The following SAG variants were observed in gnomAD, a reference collection of about 807,000 sequenced individuals.
The protein encoded by SAG is S-antigen visual arrestin.
In SAG, 45 loss-of-function variants were observed where a neutral mutation model predicts 55.0. That is an observed-to-expected ratio of 0.82 (90% CI 0.64 to 1.05). The LOEUF is 1.05. Ranked by LOEUF, SAG falls within the 50% of genes least tolerant of loss-of-function variation. SAG has a pLI of 0.00. For synonymous variants in SAG, 189 were observed against 197.4 expected (o/e 0.96, Z 0.36); for missense variants, 455 against 512.1 (o/e 0.89, Z 1.08).
chr2:233,325,560 G>A (rs1700525997), intron 6 of SAG, among the ~76,000 whole-genome samples: 1 of 152,108 alleles, frequency 6.6e-6, no homozygotes, highest in South Asian at 2.1e-4. Context: ...GCCAAGATGG[G>A]GGAAGATGAG....
chr2:233,327,070 C>T, intron 6 of SAG, 51 bp from the exon 7 acceptor site: 1 of 1,466,268 alleles, frequency 6.8e-7, no homozygotes, highest in Non-Finnish European at 9.6e-7. Flanking sequence ...TGGCCCGGCA[C>T]CCAGGGAGGG....
chr2:233,325,951 G>C (rs1405495274), intron 6 of SAG, among the ~76,000 whole-genome samples: 1 of 152,196 alleles, frequency 6.6e-6, no homozygotes, highest in Non-Finnish European at 1.5e-5. Context: ...TAGAGTTTAG[G>C]ACTGCTATGA....
chr2:233,342,511 C>G, intron 14 of SAG, 185 bp downstream of exon 14: 2 of 607,516 alleles, frequency 3.3e-6, no homozygotes, highest in East Asian at 5.6e-5. Flanking sequence ...AGCGCTGAGC[C>G]GGGTAGATTA....
Position 233,318,742 on chromosome 2 carries a change from T to C in SAG, c.137-9T>C. 1 of 1,613,390 alleles carries C rather than the reference T, an allele frequency of 6.2e-7. No homozygotes were observed. The highest frequency in any genetic ancestry group is 2.2e-5 in the East Asian group (1 of 44,884). On this transcript the variant is annotated splice_polypyrimidine_tract_variant and intron_variant, in intron 3 of 15. Coordinates refer to ENST00000409110, the MANE Select transcript of SAG (RefSeq NM_000541.5). Reference sequence around the variant, plus strand: ...CCACCCTCACTGCTCTCTCCCTCTTTTGCCTTAGATGGTGTCGTGTTGGTT... The same window carrying C: ...CCACCCTCACTGCTCTCTCCCTCTTCTGCCTTAGATGGTGTCGTGTTGGTT...
At chr2:233,312,083 G>A (rs577133631) in intron 2 of SAG, among the ~76,000 whole-genome samples, 21 of 152,232 alleles carry the variant, frequency 1.4e-4, no homozygotes, top group African/African-American at 5.1e-4. Context: ...CCGAGATCGC[G>A]CCATTGCACT....
chr2:233,334,697 C>A, intron 10 of SAG: 1 of 390,896 alleles, frequency 2.6e-6, no homozygotes, highest in Non-Finnish European at 4.7e-6. Flanking sequence ...GTCTCATTAA[C>A]TCCATAGAAC....
intron 1 of SAG, among the ~76,000 whole-genome samples, chr2:233,308,627 A>G (rs1700001099): frequency 2.0e-5 from 3 of 152,092 alleles, no homozygotes; most frequent in East Asian, 1.9e-4. Flanking sequence ...GGATCTTGCT[A>G]TGTTGCCCAG....
chr2:233,315,130 A>G (rs1419708012), intron 2 of SAG, among the ~76,000 whole-genome samples: 1 of 152,162 alleles, frequency 6.6e-6, no homozygotes, highest in Non-Finnish European at 1.5e-5. Context: ...GGGGCAGGAC[A>G]GGGCCAGGGC....
intron 13 of SAG, among the ~76,000 whole-genome samples, 161 bp from the exon 14 acceptor site, chr2:233,342,110 C>G (rs890139958): frequency 7.1e-6 from 1 of 141,058 alleles, no homozygotes; most frequent in Non-Finnish European, 1.5e-5. Context: ...GGCGACAGAG[C>G]GAGACTCCAT....
At chr2:233,314,522 G>C (rs1196829862) in intron 2 of SAG, among the ~76,000 whole-genome samples, 7 of 152,180 alleles carry the variant, frequency 4.6e-5, no homozygotes, top group Non-Finnish European at 8.8e-5. Flanking sequence ...TGGATCTTGA[G>C]GGCAAGGCCA....
At chr2:233,338,652 T>G in intron 11 of SAG, 24 bp from the exon 12 acceptor site, 2 of 1,606,818 alleles carry the variant, frequency 1.2e-6, no homozygotes, top group Non-Finnish European at 1.7e-6. Flanking sequence ...TCCATCATTC[T>G]CCTTTTCCCT....
chr2:233,324,503 T>A (rs1329939991), intron 6 of SAG, among the ~76,000 whole-genome samples: 1 of 152,220 alleles, frequency 6.6e-6, no homozygotes. Context: ...CTTGAGTTTT[T>A]GCCTGAATGA....
rs908536341 is a variant in SAG, at chr2:233,327,169, G to A, written c.484G>A (p.Asp162Asn). The change falls in exon 7 of 16, where the codon GAT (aspartate) becomes AAT (asparagine). Residue 162 changes from aspartate (D) to asparagine (N), a missense_variant. Physicochemically the swap from Asp to Asn is conservative, Grantham distance 23. Transcript: ENST00000409110. ...EVKAFATDST[D>N]AEEDKIPKKS... ...CAAAGCATTCGCCACAGACAGCACC[G>A]ATGCCGAAGAGGACAAAATCCCCAA... 4.3e-6 allele frequency: 7 copies of A among 1,613,788 alleles called. No homozygotes were observed. Among genetic ancestry groups the A allele is most frequent in the African/African-American group, 1.3e-5 (1 of 75,016 alleles).
In SAG at chr2:233,327,210, T is replaced by C; in HGVS notation, c.512+13T>C. On this transcript the variant is annotated intron_variant, in intron 7 of 15. Coordinates refer to ENST00000409110, the MANE Select transcript of SAG (RefSeq NM_000541.5). ...AAATCCCCAAGAAGTAAGAGTATGGTTGCGGAATAGGTGAGGGGTCTGCGG... is the reference window on the plus strand; with the variant it reads ...AAATCCCCAAGAAGTAAGAGTATGGCTGCGGAATAGGTGAGGGGTCTGCGG... 6.2e-7 allele frequency: 1 copy of C among 1,610,778 alleles called. No individual in the cohort carries two copies. The highest frequency in any genetic ancestry group is 8.5e-7 in the Non-Finnish European group (1 of 1,177,274).
chr2:233,335,164 C>T (rs1416253254), intron 11 of SAG, 65 bp downstream of exon 11: 8 of 1,560,156 alleles, frequency 5.1e-6, no homozygotes, highest in Non-Finnish European at 7.0e-6. Context: ...TGCTTCCCTT[C>T]ACATCACCCT....
chr2:233,315,706 C>CTT (rs59411344), intron 2 of SAG, among the ~76,000 whole-genome samples: 114 of 139,194 alleles, frequency 8.2e-4, no homozygotes, highest in African/African-American at 2.6e-3. Context: ...TTCTTTCTTT[C>CTT]TTTTTTTTTT....
chr2:233,337,088 C>A (rs1358191358), intron 11 of SAG, among the ~76,000 whole-genome samples: 1 of 129,694 alleles, frequency 7.7e-6, no homozygotes, highest in African/African-American at 2.8e-5. Flanking sequence ...AAAATGAGAC[C>A]CTGTCTCAAA....
intron 14 of SAG, chr2:233,344,245 A>G (rs1375473626): frequency 6.6e-6 from 1 of 151,970 alleles, no homozygotes; most frequent in Non-Finnish European, 1.5e-5. Context: ...ATCTCGGTTC[A>G]CTGCAACCTC....
At position 233,309,195 on chromosome 2, in the gene SAG, A is replaced by G. The variant is rs368756706; in HGVS notation, c.6A>G (p.Ala2=). 1.5e-5 allele frequency: 25 copies of G among 1,613,562 alleles called. No individual in the cohort carries two copies. In the African/African-American group the frequency reaches 2.9e-4, roughly 19 times the overall value. The change falls in exon 2 of 16, where the codon GCA becomes GCG. Residue 2 remains alanine, a synonymous_variant. Coordinates refer to ENST00000409110, the MANE Select transcript of SAG (RefSeq NM_000541.5). The part of the protein sequence containing the change: M[A]ASGKTSKSEP... Reference sequence around the variant, plus strand: ...AGTTGCCAGGGACAGATAACATGGCAGCCAGCGGGAAGACCAGCAAGTCCG... The same window carrying G: ...AGTTGCCAGGGACAGATAACATGGCGGCCAGCGGGAAGACCAGCAAGTCCG...
Sources: allele counts gnomAD v4.1 joint callset (sites outside exome capture counted in the v4.1 genomes callset), GRCh38; gene constraint gnomAD v4.1.1; transcripts MANE v1.5; gene names NCBI Gene and HGNC (gene_info 2026-07-23, HGNC 2026-07-21).